DTWD2: variants seen among roughly 807,000 people sequenced by gnomAD.
DTWD2 encodes DTW motif tRNA-uridine aminocarboxypropyltransferase 2.
DTWD2 carries 39 observed loss-of-function variants against 31.8 expected under a neutral mutation model. The observed-to-expected ratio is 1.22, with a 90% CI of 0.95 to 1.60. DTWD2 has a LOEUF of 1.60. Among genes scored for constraint, DTWD2 ranks in the 40% most tolerant of loss-of-function variants. The pLI is 0.00. For synonymous variants in DTWD2, 180 were observed against 142.8 expected (o/e 1.26, Z -1.86); for missense variants, 515 against 381.5 (o/e 1.35, Z -2.92).
chr5:118,929,380 C>G (rs1753874505), intron 3 of DTWD2, among the ~76,000 whole-genome samples: 1 of 152,202 alleles, frequency 6.6e-6, no homozygotes, highest in African/African-American at 2.4e-5. Context: ...ATACTTCAAC[C>G]ATTCACAGAG....
intron 3 of DTWD2, among the ~76,000 whole-genome samples, chr5:118,929,080 C>T (rs994916199): frequency 2.0e-5 from 3 of 152,188 alleles, no homozygotes; most frequent in African/African-American, 7.2e-5. Context: ...TCAAAGTAAA[C>T]AACTGGCACT....
intron 4 of DTWD2, among the ~76,000 whole-genome samples, chr5:118,873,467 AG>A (rs138711447): frequency 2.1e-4 from 32 of 152,314 alleles, no homozygotes; most frequent in African/African-American, 7.7e-4. Context: ...GAGCTTCAGC[AG>A]GGCGGCTCCT....
chr5:118,988,092 G>T, intron 1 of DTWD2: 1 of 730,132 alleles, frequency 1.4e-6, no homozygotes, highest in Non-Finnish European at 2.4e-6. Context: ...CAGGAAGTAA[G>T]GTTAGATAAT....
At chr5:118,946,445 G>T (rs1754340628) in intron 1 of DTWD2, among the ~76,000 whole-genome samples, 1 of 152,156 alleles carries the variant, frequency 6.6e-6, no homozygotes, top group South Asian at 2.1e-4. Context: ...GTAGAAACAG[G>T]AACAGGATGA....
chr5:118,942,966 C>A (rs299210), intron 2 of DTWD2, among the ~76,000 whole-genome samples: 1,875 of 152,066 alleles, frequency 0.012, 37 homozygotes, highest in African/African-American at 0.042. Context: ...CCACACTTGG[C>A]TAATTTTTTT....
chr5:118,844,599 A>G (rs1232252775), intron 5 of DTWD2, among the ~76,000 whole-genome samples: 1 of 152,248 alleles, frequency 6.6e-6, no homozygotes, highest in African/African-American at 2.4e-5. Flanking sequence ...ATTACAGATA[A>G]GAACACAAGT....
At chr5:118,925,461 C>A (rs1284427244) in intron 4 of DTWD2, among the ~76,000 whole-genome samples, 1 of 151,954 alleles carries the variant, frequency 6.6e-6, no homozygotes, top group Non-Finnish European at 1.5e-5. Flanking sequence ...TATCACGATT[C>A]CAAAAATCAG....
At chr5:118,882,551 C>T (rs1483458365) in intron 4 of DTWD2, among the ~76,000 whole-genome samples, 1 of 152,256 alleles carries the variant, frequency 6.6e-6, no homozygotes, top group East Asian at 1.9e-4. Flanking sequence ...GGGCTCTGCA[C>T]CTGCAGCAGA....
At chr5:118,971,597 T>C (rs548616550) in intron 1 of DTWD2, among the ~76,000 whole-genome samples, 1 of 152,230 alleles carries the variant, frequency 6.6e-6, no homozygotes, top group Non-Finnish European at 1.5e-5. Flanking sequence ...AACAAAGATA[T>C]TCAGGACCTG....
intron 4 of DTWD2, among the ~76,000 whole-genome samples, chr5:118,916,332 A>T (rs1753575924): frequency 6.6e-6 from 1 of 152,222 alleles, no homozygotes; most frequent in African/African-American, 2.4e-5. Context: ...TAAATAAAAG[A>T]GATCCCATAC....
At chr5:118,950,150 T>C (rs902797356) in intron 1 of DTWD2, among the ~76,000 whole-genome samples, 1 of 101,460 alleles carries the variant, frequency 9.9e-6, no homozygotes, top group Non-Finnish European at 1.6e-5. Flanking sequence ...ACGGAGCTTG[T>C]ATTATTGAGC....
chr5:118,904,891 G>C (rs1368867279), intron 4 of DTWD2, among the ~76,000 whole-genome samples: 1 of 152,044 alleles, frequency 6.6e-6, no homozygotes, highest in East Asian at 1.9e-4. Context: ...CTGAGCCAAG[G>C]AGCTACATTT....
Position 118,919,305 on chromosome 5 carries a change from T to C in DTWD2, c.597+9232A>G, listed in dbSNP as rs577185501. Among the ~76,000 whole-genome samples the C allele has an allele frequency of 2.0e-5, 3 of 152,338 alleles. No homozygotes were observed. The South Asian group carries it at 6.2e-4, about 32-fold the overall frequency. ...CCAGCACATGTGCTCCTCCTTTCCTTCACAGAGAATGTAAACAAATCCCTT... is the reference window on the plus strand; with the variant it reads ...CCAGCACATGTGCTCCTCCTTTCCTCCACAGAGAATGTAAACAAATCCCTT... On this transcript the variant is annotated intron_variant, in intron 4 of 5. Coordinates refer to ENST00000510708, the MANE Select transcript of DTWD2 (RefSeq NM_173666.4).
chr5:118,896,493 A>G (rs1753087303), intron 4 of DTWD2, among the ~76,000 whole-genome samples: 1 of 152,168 alleles, frequency 6.6e-6, no homozygotes, highest in South Asian at 2.1e-4. Context: ...ATTCTCTTAC[A>G]AACATAAGAG....
chr5:118,897,099 T>C (rs1455255520), intron 4 of DTWD2, among the ~76,000 whole-genome samples: 2 of 152,218 alleles, frequency 1.3e-5, no homozygotes, highest in Admixed American at 6.5e-5. Context: ...TTAGTGATTC[T>C]CTGGGACTCA....
chr5:118,875,823 A>C (rs1333066031), intron 4 of DTWD2, among the ~76,000 whole-genome samples: 1 of 152,176 alleles, frequency 6.6e-6, no homozygotes, highest in African/African-American at 2.4e-5. Context: ...ACTAACAAAG[A>C]TATTAAGGAC....
chr5:118,861,848 G>C (rs1561430755), intron 4 of DTWD2, among the ~76,000 whole-genome samples: 1 of 152,114 alleles, frequency 6.6e-6, no homozygotes. Context: ...GGCTCAATTA[G>C]AACGACTCTG....
At chr5:118,843,978 G>C (rs1285990621) in intron 5 of DTWD2, among the ~76,000 whole-genome samples, 2 of 152,162 alleles carry the variant, frequency 1.3e-5, no homozygotes, top group Non-Finnish European at 2.9e-5. Flanking sequence ...AGTGGTATAG[G>C]ATACACCACC....
chr5:118,912,657 GC>G (rs56708620), intron 4 of DTWD2, among the ~76,000 whole-genome samples: 33,559 of 152,166 alleles, frequency 0.22, 8,833 homozygotes, highest in African/African-American at 0.64. Flanking sequence ...CTCTGACAGG[GC>G]CTTCTCTTCT....
Sources: gnomAD v4.1 joint callset for allele counts (sites outside exome capture counted in the v4.1 genomes callset) on GRCh38, gnomAD v4.1.1 for gene constraint, MANE v1.5 for transcripts, NCBI Gene and HGNC (gene_info 2026-07-23, HGNC 2026-07-21) for gene names.